The following CDH13 variants were observed in gnomAD, a reference collection of about 807,000 sequenced individuals.
The protein encoded by CDH13 is cadherin-13.
In CDH13, 24 loss-of-function variants were observed where a neutral mutation model predicts 63.8. That is an observed-to-expected ratio of 0.38 (90% CI 0.27 to 0.53). The LOEUF (loss-of-function observed/expected upper bound fraction) is 0.53, where lower values mean the gene tolerates loss of function less well. CDH13 is among the 20% of genes least tolerant of loss of function. CDH13 has a pLI of 0.85. For synonymous variants in CDH13, 503 were observed against 355.3 expected (o/e 1.42, Z -4.67); for missense variants, 1,049 against 903.1 (o/e 1.16, Z -2.07).
chr16:83,556,491 AGTT>A (rs1598283619), intron 7 of CDH13, among the ~76,000 whole-genome samples: 1 of 152,162 alleles, frequency 6.6e-6, no homozygotes, highest in Non-Finnish European at 1.5e-5. Context: ...GTAAAGCCAA[AGTT>A]GTTGTTGTTC....
intron 10 of CDH13, among the ~76,000 whole-genome samples, chr16:83,745,869 C>T (rs1478326952): frequency 3.9e-5 from 6 of 152,170 alleles, no homozygotes; most frequent in Admixed American, 1.3e-4. Context: ...TCTCAGAATT[C>T]GTATCTTCTT....
chr16:83,555,724 T>A (rs745743173), intron 7 of CDH13, among the ~76,000 whole-genome samples: 50 of 152,146 alleles, frequency 3.3e-4, no homozygotes, highest in Non-Finnish European at 6.3e-4. Context: ...TCAGAAGAGG[T>A]GTCATTAAAT....
intron 10 of CDH13, among the ~76,000 whole-genome samples, chr16:83,690,205 G>A (rs1005476165): frequency 1.3e-5 from 2 of 152,110 alleles, no homozygotes; most frequent in African/African-American, 2.4e-5. Flanking sequence ...TGTTATCATC[G>A]AAATCATATT....
At chr16:83,506,873 G>C (rs2074408608) in intron 7 of CDH13, among the ~76,000 whole-genome samples, 1 of 152,152 alleles carries the variant, frequency 6.6e-6, no homozygotes, top group African/African-American at 2.4e-5. Flanking sequence ...CTTGGAAGTA[G>C]ACCTTCTAGC....
chr16:83,397,310 A>T (rs754435147), intron 6 of CDH13: 1 of 152,010 alleles, frequency 6.6e-6, no homozygotes, highest in African/African-American at 2.4e-5. Flanking sequence ...AAGAAGTTCA[A>T]CCCTTCCAGC....
chr16:82,693,031 G>T (rs1294798614), intron 1 of CDH13, among the ~76,000 whole-genome samples: 2 of 152,154 alleles, frequency 1.3e-5, no homozygotes, highest in African/African-American at 4.8e-5. Flanking sequence ...AAAGCAAGTT[G>T]TCATTGTTGA....
chr16:82,831,777 T>A (rs1009482274), intron 1 of CDH13, among the ~76,000 whole-genome samples: 5 of 152,214 alleles, frequency 3.3e-5, no homozygotes, highest in Admixed American at 6.5e-5. Context: ...TTTCTCACCT[T>A]TTGTTCAAAT....
intron 6 of CDH13, among the ~76,000 whole-genome samples, chr16:83,482,863 G>A (rs8061757): frequency 0.47 from 70,991 of 152,060 alleles, 17,102 homozygotes; most frequent in East Asian, 0.83. Flanking sequence ...GCTGTCCTGC[G>A]ACCCTTTGTC....
At chr16:82,689,152 C>T (rs944152550) in intron 1 of CDH13, 2 of 146,508 alleles carry the variant, frequency 1.4e-5, no homozygotes, top group Non-Finnish European at 3.0e-5. Context: ...TTCTAACTTG[C>T]CTGCATCCAA....
At chr16:83,748,532 G>A (rs142176452) in intron 11 of CDH13, among the ~76,000 whole-genome samples, 6 of 152,288 alleles carry the variant, frequency 3.9e-5, no homozygotes, top group East Asian at 1.9e-4. Context: ...AGAAAGCCAC[G>A]CTGATGTGCT....
intron 1 of CDH13, among the ~76,000 whole-genome samples, chr16:82,650,612 G>A (rs1910614463): frequency 6.6e-6 from 1 of 152,282 alleles, no homozygotes; most frequent in East Asian, 1.9e-4. Context: ...AGGAGATTCA[G>A]TTAATACCTT....
intron 11 of CDH13, among the ~76,000 whole-genome samples, chr16:83,751,719 C>T (rs1221896850): frequency 9.9e-5 from 15 of 152,216 alleles, no homozygotes; most frequent in Admixed American, 9.8e-4. Flanking sequence ...ACCTAGATAA[C>T]ATCTGAAAGG....
intron 1 of CDH13, among the ~76,000 whole-genome samples, chr16:82,744,551 A>G (rs2034074011): frequency 6.6e-6 from 1 of 152,076 alleles, no homozygotes; most frequent in Non-Finnish European, 1.5e-5. Flanking sequence ...GGCTTCTAGA[A>G]TACCAGGTCC....
chr16:82,951,846 T>G (rs1905340466), intron 2 of CDH13, among the ~76,000 whole-genome samples: 1 of 152,216 alleles, frequency 6.6e-6, no homozygotes, highest in African/African-American at 2.4e-5. Context: ...TCAGTATATC[T>G]TCCTAAGTGT....
At chr16:82,875,545 T>A (rs1224834999) in intron 2 of CDH13, among the ~76,000 whole-genome samples, 1 of 152,200 alleles carries the variant, frequency 6.6e-6, no homozygotes, top group Admixed American at 6.5e-5. Context: ...ACTTTTACAG[T>A]GAATGACGAT....
intron 2 of CDH13, among the ~76,000 whole-genome samples, chr16:82,932,560 A>G (rs764025813): frequency 6.6e-6 from 1 of 152,222 alleles, no homozygotes; most frequent in South Asian, 2.1e-4. Flanking sequence ...AGTGGAAACT[A>G]TGATCTAGCC....
chr16:82,784,898 G>C (rs146046403), intron 1 of CDH13, among the ~76,000 whole-genome samples: 1 of 152,172 alleles, frequency 6.6e-6, no homozygotes, highest in East Asian at 1.9e-4. Flanking sequence ...GGGCAGCGAG[G>C]CTGATGCACA....
At chr16:82,639,126 G>T (rs1031398811) in intron 1 of CDH13, among the ~76,000 whole-genome samples, 2 of 152,212 alleles carry the variant, frequency 1.3e-5, no homozygotes, top group Middle Eastern at 6.8e-3. Context: ...GTATATAAAA[G>T]TTGCCTTTCC....
chr16:82,706,083 C>T (rs1205937305), intron 1 of CDH13, among the ~76,000 whole-genome samples: 1 of 151,974 alleles, frequency 6.6e-6, no homozygotes, highest in Non-Finnish European at 1.5e-5. Flanking sequence ...TCCTCCCTTT[C>T]TTCTTCATCT....
Sources: allele counts gnomAD v4.1 joint callset (sites outside exome capture counted in the v4.1 genomes callset), GRCh38; gene constraint gnomAD v4.1.1; transcripts MANE v1.5; gene names NCBI Gene and HGNC (gene_info 2026-07-23, HGNC 2026-07-21).